DYRK4: variants seen among roughly 807,000 people sequenced by gnomAD.
DYRK4 encodes dual specificity tyrosine phosphorylation regulated kinase 4.
Under a neutral mutation model 68.3 loss-of-function variants are expected in DYRK4, and 64 were observed. That is an observed-to-expected ratio of 0.94 (90% CI 0.77 to 1.15). The LOEUF is 1.15. Among genes scored for constraint, DYRK4 ranks in the 50% most tolerant of loss-of-function variants. The pLI is 0.00. For synonymous variants in DYRK4, 274 were observed against 289.9 expected (o/e 0.95, Z 0.56); for missense variants, 740 against 764.7 (o/e 0.97, Z 0.38).
intron 11 of DYRK4, 57 bp from the exon 12 acceptor site, chr12:4,607,270 C>A: frequency 6.2e-7 from 1 of 1,607,076 alleles, no homozygotes; most frequent in Non-Finnish European, 8.5e-7. Context: ...CTCCACCCCT[C>A]AGCCTTTGAA....
chr12:4,595,237 T>C (rs1945003930), intron 6 of DYRK4, among the ~76,000 whole-genome samples: 1 of 152,212 alleles, frequency 6.6e-6, no homozygotes, highest in African/African-American at 2.4e-5. Flanking sequence ...TCCTCCTGTA[T>C]GAACAGACCC....
intron 2 of DYRK4, among the ~76,000 whole-genome samples, chr12:4,583,012 A>G (rs1248197928): frequency 6.6e-6 from 1 of 152,202 alleles, no homozygotes; most frequent in African/African-American, 2.4e-5. Context: ...ACTGCTTAGG[A>G]GACCATTGCA....
chr12:4,570,971 C>A (rs566252082), intron 2 of DYRK4, among the ~76,000 whole-genome samples: 1 of 152,304 alleles, frequency 6.6e-6, no homozygotes, highest in South Asian at 2.1e-4. Flanking sequence ...CAGGAAAATG[C>A]TGTGTGTTGT....
At chr12:4,600,134 G>A (rs913419236) in intron 10 of DYRK4, among the ~76,000 whole-genome samples, 1 of 152,164 alleles carries the variant, frequency 6.6e-6, no homozygotes, top group Non-Finnish European at 1.5e-5. Flanking sequence ...CTAGAAGTCT[G>A]CGCTTCAGAA....
At chr12:4,566,495 G>C (rs61909599) in intron 1 of DYRK4, among the ~76,000 whole-genome samples, 10,004 of 152,290 alleles carry the variant, frequency 0.066, 449 homozygotes, top group Non-Finnish European at 0.096. Context: ...AAGCGTGAAG[G>C]CTTCCTCAGC....
chr12:4,594,272 G>A (rs1002572202), intron 6 of DYRK4, among the ~76,000 whole-genome samples: 1 of 152,152 alleles, frequency 6.6e-6, no homozygotes, highest in African/African-American at 2.4e-5. Flanking sequence ...TGCCCAGGCT[G>A]GAGTGCAGTG....
Position 4,586,692 on chromosome 12 carries a change from C to T in DYRK4, c.133-2245C>T, listed in dbSNP as rs1944899919. ...CACTTGGTCACCTGGGGCTGCTAAA[C>T]TCCTGGGCTGCGTACACACACACAC... On this transcript the variant is annotated intron_variant, in intron 2 of 14. Coordinates refer to ENST00000543431, the MANE Select transcript of DYRK4 (RefSeq NM_001394779.1). Among the ~76,000 whole-genome samples the T allele has an allele frequency of 2.2e-5, 3 of 133,800 alleles. No homozygotes were observed. In the South Asian group the frequency reaches 7.2e-4, roughly 32 times the overall value. 87.8% of individuals were successfully genotyped at this position (133,800 alleles called of 152,430 possible).
chr12:4,599,735 A>G lies in DYRK4; in HGVS notation c.1073A>G (p.Gln358Arg), dbSNP rs765742184. 4.3e-6 allele frequency: 7 copies of G among 1,614,126 alleles called. No individual in the cohort carries two copies. In the South Asian group the frequency reaches 7.7e-5, roughly 18 times the overall value. ...PENIVLYQKGQASVKVIDFGS... is the reference protein window; with the variant it reads ...PENIVLYQKGRASVKVIDFGS... ...AATATAGTGCTATACCAAAAGGGCC[A>G]AGCCTCTGTTAAAGTCATTGACTTT... Residue 358 changes from glutamine (Q) to arginine (R), a missense_variant, in exon 10 of 15, where the codon CAA (glutamine) becomes CGA (arginine). Gln to Arg is a conservative substitution (Grantham distance 43, BLOSUM62 1). This residue lies in a region of DYRK4 where 614 missense variants were observed against 603.7 expected (regional missense o/e 1.02). Coordinates refer to ENST00000543431, the MANE Select transcript of DYRK4 (RefSeq NM_001394779.1).
At chr12:4,570,088 C>T (rs1944715984) in intron 2 of DYRK4, among the ~76,000 whole-genome samples, 1 of 148,636 alleles carries the variant, frequency 6.7e-6, no homozygotes. Flanking sequence ...ATGATAATAA[C>T]AAATTAGCTG....
At chr12:4,585,396 A>G (rs1349817613) in intron 2 of DYRK4, among the ~76,000 whole-genome samples, 2 of 152,192 alleles carry the variant, frequency 1.3e-5, no homozygotes, top group African/African-American at 4.8e-5. Flanking sequence ...AACCATTTAT[A>G]GTTATCTGCT....
At chr12:4,589,615 T>A (rs1309144291) in intron 3 of DYRK4, among the ~76,000 whole-genome samples, 2 of 152,256 alleles carry the variant, frequency 1.3e-5, no homozygotes, top group Non-Finnish European at 2.9e-5. Context: ...TCACTTAGCA[T>A]AATGATCTCT....
At chr12:4,584,832 G>C (rs1450746308) in intron 2 of DYRK4, among the ~76,000 whole-genome samples, 2 of 152,180 alleles carry the variant, frequency 1.3e-5, no homozygotes, top group Non-Finnish European at 2.9e-5. Context: ...TGGGATTACA[G>C]GCGTGAGCCA....
In DYRK4 at chr12:4,604,405, A is replaced by G. The variant is rs1446470631; in HGVS notation, c.1127-509A>G. On this transcript the variant is annotated intron_variant, in intron 10 of 14. Transcript: ENST00000543431. ...TATGCGGAAATAACTACCGTGTTCC[A>G]TTTCTTCGACTTCAGTCTGTTCATC... Among the ~76,000 whole-genome samples the G allele has an allele frequency of 2.0e-5, 3 of 152,150 alleles. 1 individual carries two copies.
In DYRK4 at chr12:4,604,630, GT is replaced by G. The variant is rs1247584883; in HGVS notation, c.1127-281del. Among the ~76,000 whole-genome samples, 5 of 152,282 alleles carry G rather than the reference GT, an allele frequency of 3.3e-5. No homozygotes were observed. In the South Asian group the frequency reaches 1.0e-3, roughly 32 times the overall value. ...TAGTCTTATATTTGTCTTATGTTTTGTTTGTTTGTTATAAACTTGGCTCACT... is the reference window on the plus strand; with the variant it reads ...TAGTCTTATATTTGTCTTATGTTTTGTTGTTTGTTATAAACTTGGCTCACT... On this transcript the variant is annotated intron_variant, in intron 10 of 14. Coordinates refer to ENST00000543431, the MANE Select transcript of DYRK4 (RefSeq NM_001394779.1).
rs531652918 is a variant in DYRK4 at position 4,570,581 on chromosome 12, C to T, written c.132+2533C>T. On this transcript the variant is annotated intron_variant, in intron 2 of 14. Transcript: ENST00000543431. ...AAATGAATTGTATGACTTATAATCC[C>T]TTCATCTAAAAAAACACTTAAGAAG... Among the ~76,000 whole-genome samples the T allele has an allele frequency of 1.4e-3, 211 of 152,234 alleles. 1 individual carries two copies. Among genetic ancestry groups the T allele is most frequent in the Non-Finnish European group, 2.7e-3 (183 of 68,018 alleles).
chr12:4,566,329 C>T (rs760203807), intron 1 of DYRK4, among the ~76,000 whole-genome samples: 2 of 152,218 alleles, frequency 1.3e-5, no homozygotes, highest in Non-Finnish European at 2.9e-5. Context: ...TAATCTACCT[C>T]CCTGGCCCTC....
At position 4,610,283 on chromosome 12, in the gene DYRK4, G is replaced by C. The variant is rs761058659; in HGVS notation, c.1489G>C (p.Val497Leu). 1 of 1,556,828 alleles carries C rather than the reference G, an allele frequency of 6.4e-7. No individual in the cohort carries two copies. Among genetic ancestry groups the C allele is most frequent in the Non-Finnish European group, 8.6e-7 (1 of 1,157,012 alleles). Residue 497 changes from valine to leucine, a missense_variant and splice_region_variant, in exon 13 of 15, where the codon GTA becomes CTA. This residue lies in a region of DYRK4 where 614 missense variants were observed against 603.7 expected (regional missense o/e 1.02). Coordinates refer to ENST00000543431, the MANE Select transcript of DYRK4 (RefSeq NM_001394779.1). ...SFLDFLRRCL[V>L]WEPSLRMTPD... ...CCTGGACTTTCTCAGAAGGTGTTTG[G>C]TGTGAGTTTGTTGGGACATCTCTGC...
chr12:4,570,040 AAATAATAATAATAATAATAAT>A (rs58464815), intron 2 of DYRK4, among the ~76,000 whole-genome samples: 1 of 141,232 alleles, frequency 7.1e-6, no homozygotes, highest in East Asian at 2.1e-4. Flanking sequence ...CTGTCGCTAT[AAATAATAATAATAATAATAAT>A]AATAATAATA....
intron 2 of DYRK4, among the ~76,000 whole-genome samples, chr12:4,580,164 C>G (rs952162290): frequency 2.6e-5 from 4 of 152,232 alleles, no homozygotes; most frequent in African/African-American, 9.6e-5. Flanking sequence ...GAAATTGACT[C>G]CAGCTATCTG....
Sources: allele counts gnomAD v4.1 joint callset (sites outside exome capture counted in the v4.1 genomes callset), GRCh38; gene constraint gnomAD v4.1.1; regional missense constraint gnomAD v4.1.1; transcripts MANE v1.5; gene names NCBI Gene and HGNC (gene_info 2026-07-23, HGNC 2026-07-21).